CDH12: variants seen among roughly 807,000 people sequenced by gnomAD.
The protein encoded by CDH12 is cadherin-12.
In CDH12, 41 loss-of-function variants were observed where a neutral mutation model predicts 74.1. That is an observed-to-expected ratio of 0.55 (90% CI 0.43 to 0.72). The LOEUF (loss-of-function observed/expected upper bound fraction) is 0.72. Among genes scored for constraint, CDH12 ranks in the 30% least tolerant of loss-of-function variants. CDH12 has a pLI of 0.00. For synonymous variants in CDH12, 399 were observed against 355.0 expected (o/e 1.12, Z -1.39); for missense variants, 945 against 977.2 (o/e 0.97, Z 0.44).
chr5:22,115,760 C>T (rs1033658756), intron 4 of CDH12, among the ~76,000 whole-genome samples: 11 of 146,250 alleles, frequency 7.5e-5, no homozygotes, highest in East Asian at 2.0e-4. Context: ...GGTACAATCT[C>T]GGCTCACTGA....
chr5:22,076,871 A>C (rs1046169178), intron 5 of CDH12, among the ~76,000 whole-genome samples: 6 of 152,032 alleles, frequency 3.9e-5, no homozygotes, highest in African/African-American at 1.2e-4. Context: ...TTTGGGTCTC[A>C]GTGTCCATTT....
chr5:22,761,174 T>C (rs1349533303), intron 1 of CDH12, among the ~76,000 whole-genome samples: 1 of 152,212 alleles, frequency 6.6e-6, no homozygotes, highest in Non-Finnish European at 1.5e-5. Flanking sequence ...GTCTTTATCT[T>C]GAAAAGCTCC....
intron 3 of CDH12, among the ~76,000 whole-genome samples, chr5:22,347,257 T>A (rs776222149): frequency 6.6e-6 from 1 of 152,198 alleles, no homozygotes; most frequent in Non-Finnish European, 1.5e-5. Flanking sequence ...ATCCTCAATC[T>A]GGATGGGCAC....
intron 5 of CDH12, among the ~76,000 whole-genome samples, chr5:22,048,362 A>G (rs1052337667): frequency 3.9e-5 from 6 of 152,188 alleles, no homozygotes; most frequent in African/African-American, 1.4e-4. Context: ...TAGTACATCC[A>G]TCAGTAGACC....
In CDH12 at chr5:22,256,262, T is replaced by C. The variant is rs907866038; in HGVS notation, c.-332-43619A>G. 1.4e-4 allele frequency among the ~76,000 whole-genome samples: 21 copies of C among 152,280 alleles called. No homozygotes were observed. In the East Asian group the frequency reaches 3.3e-3, roughly 24 times the overall value. ...ATCCATGTGCCACATAACAGTGTTC[T>C]GGTCAATGACAGCATGTACAATGGT... On this transcript the variant is annotated intron_variant, in intron 3 of 14. Transcript: ENST00000382254.
chr5:22,320,408 T>C (rs1266781567), intron 3 of CDH12, among the ~76,000 whole-genome samples: 1 of 152,186 alleles, frequency 6.6e-6, no homozygotes, highest in African/African-American at 2.4e-5. Context: ...TTTTGATATA[T>C]AAATTCATTA....
intron 13 of CDH12, among the ~76,000 whole-genome samples, chr5:21,757,377 T>C (rs1009597109): frequency 1.3e-5 from 2 of 152,200 alleles, no homozygotes; most frequent in East Asian, 3.9e-4. Flanking sequence ...GGTTTCACCA[T>C]GTTGGCCAGG....
intron 2 of CDH12, among the ~76,000 whole-genome samples, chr5:22,486,028 G>C (rs774058171): frequency 1.3e-5 from 2 of 152,176 alleles, no homozygotes; most frequent in Non-Finnish European, 2.9e-5. Context: ...GACCAACGCA[G>C]CTGGAAAGCC....
At position 22,589,456 on chromosome 5, in the gene CDH12, C is replaced by T. The variant is rs566316230; in HGVS notation, c.-522-84092G>A. 2.6e-5 allele frequency among the ~76,000 whole-genome samples: 4 copies of T among 152,296 alleles called. No homozygotes were observed. The East Asian group carries it at 7.7e-4, about 29-fold the overall frequency. ...CAAGCTAAACCTGTCACGTTGTTCT[C>T]TATTCTTGCTTTCACTTCACTTTCC... On this transcript the variant is annotated intron_variant, in intron 1 of 14. Coordinates refer to ENST00000382254, the MANE Select transcript of CDH12 (RefSeq NM_004061.5).
intron 3 of CDH12, among the ~76,000 whole-genome samples, chr5:22,227,673 C>A (rs1318055767): frequency 2.0e-5 from 3 of 152,056 alleles, no homozygotes; most frequent in Non-Finnish European, 4.4e-5. Flanking sequence ...ATGTTCAAAA[C>A]ACTGGGAAAC....
intron 2 of CDH12, among the ~76,000 whole-genome samples, chr5:22,487,810 CAT>C (rs1386340490): frequency 2.6e-5 from 4 of 152,176 alleles, no homozygotes; most frequent in African/African-American, 4.8e-5. Context: ...CTCACATTAA[CAT>C]AGAAGAAAAT....
chr5:21,998,062 G>A (rs1292981464), intron 5 of CDH12, among the ~76,000 whole-genome samples: 1 of 151,994 alleles, frequency 6.6e-6, no homozygotes, highest in Non-Finnish European at 1.5e-5. Flanking sequence ...TACAACACGA[G>A]GCCAATATCT....
chr5:22,121,378 C>T (rs184457092), intron 4 of CDH12, among the ~76,000 whole-genome samples: 79 of 152,302 alleles, frequency 5.2e-4, no homozygotes, highest in African/African-American at 1.9e-3. Context: ...TTACACAAAG[C>T]TACCCAGCAC....
At chr5:21,850,445 A>G (rs1235947191) in intron 7 of CDH12, among the ~76,000 whole-genome samples, 1 of 151,566 alleles carries the variant, frequency 6.6e-6, no homozygotes. Context: ...GATATACAAA[A>G]TAAATTTTTA....
intron 6 of CDH12, among the ~76,000 whole-genome samples, chr5:21,952,773 A>G (rs1755922793): frequency 6.6e-6 from 1 of 151,244 alleles, no homozygotes; most frequent in African/African-American, 2.4e-5. Flanking sequence ...ATCTTGCCCA[A>G]ATTCCTATTT....
intron 3 of CDH12, among the ~76,000 whole-genome samples, chr5:22,311,053 C>A (rs1738367024): frequency 6.6e-6 from 1 of 152,060 alleles, no homozygotes; most frequent in Admixed American, 6.5e-5. Context: ...TTTATATTTA[C>A]TTTATGTTAT....
At chr5:21,968,895 A>T (rs1172164842) in intron 6 of CDH12, among the ~76,000 whole-genome samples, 1 of 151,842 alleles carries the variant, frequency 6.6e-6, no homozygotes, top group Non-Finnish European at 1.5e-5. Flanking sequence ...ACCAAACACC[A>T]CGTGTTGTCT....
chr5:21,948,236 C>G (rs1755667186), intron 6 of CDH12, among the ~76,000 whole-genome samples: 1 of 152,142 alleles, frequency 6.6e-6, no homozygotes, highest in African/African-American at 2.4e-5. Flanking sequence ...CTCCAGACCC[C>G]TGAATGGAAG....
intron 4 of CDH12, among the ~76,000 whole-genome samples, chr5:22,161,879 T>C (rs1002675979): frequency 6.6e-5 from 10 of 151,978 alleles, no homozygotes; most frequent in African/African-American, 9.7e-5. Context: ...ATAATAACTT[T>C]ATTACATTTA....
Sources: allele counts gnomAD v4.1 joint callset (sites outside exome capture counted in the v4.1 genomes callset), GRCh38; gene constraint gnomAD v4.1.1; transcripts MANE v1.5; gene names NCBI Gene and HGNC (gene_info 2026-07-23, HGNC 2026-07-21).